DCC: variants seen among roughly 807,000 people sequenced by gnomAD.
DCC encodes the protein netrin receptor DCC.
In DCC, 58 loss-of-function variants were observed where a neutral mutation model predicts 172.5. That is an observed-to-expected ratio of 0.34 (90% confidence interval 0.27 to 0.42). The LOEUF is 0.42. Ranked by LOEUF, DCC falls within the 10% of genes least tolerant of loss-of-function variation. The pLI is 1.00. For missense variants in DCC, 1,740 were observed against 1,791.0 expected, an observed-to-expected ratio of 0.97 and a Z score of 0.51; for synonymous variants, 709 against 644.5, an observed-to-expected ratio of 1.10 and a Z score of -1.52.
chr18:52,823,797 G>A (rs1450607176), intron 2 of DCC, among the ~76,000 whole-genome samples: 2 of 152,096 alleles, frequency 1.3e-5, no homozygotes, highest in Non-Finnish European at 2.9e-5. Context: ...ATCTTCAGGG[G>A]GTGTCCTGTA....
chr18:53,430,287 A>G (rs1308505953), intron 21 of DCC, among the ~76,000 whole-genome samples: 1 of 152,110 alleles, frequency 6.6e-6, no homozygotes. Flanking sequence ...TAGATTATGG[A>G]CAATACGTTT....
chr18:52,719,653 C>T lies in DCC; in HGVS notation c.92-32401C>T, dbSNP rs78279194. 7.7e-3 allele frequency among the ~76,000 whole-genome samples: 1,161 copies of T among 151,466 alleles called. 11 individuals carry two copies. Among genetic ancestry groups the T allele is most frequent in the Middle Eastern group, 0.024 (7 of 286 alleles). ...CTGCAAATTATTGAAAAATACAGTG[C>T]GGCATATCATTAGAGAGAATTATAT... On this transcript the variant is annotated intron_variant, in intron 1 of 28. Coordinates refer to ENST00000442544, the MANE Select transcript of DCC (RefSeq NM_005215.4).
rs180781503 is a variant in DCC, at chr18:53,248,865, T to C, written c.1911+33268T>C. Among the ~76,000 whole-genome samples, 840 of 152,158 alleles carry C rather than the reference T, an allele frequency of 5.5e-3. 5 individuals carry two copies. The highest frequency in any genetic ancestry group is 0.023 in the Admixed American group (348 of 15,256). On this transcript the variant is annotated intron_variant, in intron 12 of 28. Transcript: ENST00000442544. Reference sequence around the variant, plus strand: ...ACATAAACACAAAAATTGTTTTAAATGCAAATATCTAAATAATTCAATTAC... The same window carrying C: ...ACATAAACACAAAAATTGTTTTAAACGCAAATATCTAAATAATTCAATTAC...
intron 8 of DCC, among the ~76,000 whole-genome samples, chr18:53,167,763 A>T (rs921975557): frequency 6.6e-6 from 1 of 152,204 alleles, no homozygotes; most frequent in Non-Finnish European, 1.5e-5. Flanking sequence ...ATACAAAGTG[A>T]TACATAATAC....
At chr18:53,157,191 C>A (rs549424985) in intron 7 of DCC, among the ~76,000 whole-genome samples, 165 bp from the exon 8 acceptor site, 28 of 152,252 alleles carry the variant, frequency 1.8e-4, no homozygotes, top group African/African-American at 6.3e-4. Context: ...TACAAATATA[C>A]CTTTTATTCC....
At chr18:52,856,530 G>A (rs1288795197) in intron 2 of DCC, among the ~76,000 whole-genome samples, 4 of 150,742 alleles carry the variant, frequency 2.7e-5, no homozygotes, top group African/African-American at 4.9e-5. Flanking sequence ...GGAAGCTGAG[G>A]CTGGAGGATG....
At chr18:52,787,415 G>C (rs2037680496) in intron 2 of DCC, among the ~76,000 whole-genome samples, 1 of 151,460 alleles carries the variant, frequency 6.6e-6, no homozygotes, top group Admixed American at 6.6e-5. Context: ...TTCCAGGGTA[G>C]TTAGTTAAAA....
intron 5 of DCC, among the ~76,000 whole-genome samples, chr18:52,938,459 C>G (rs538471503): frequency 3.6e-4 from 55 of 152,114 alleles, no homozygotes; most frequent in Non-Finnish European, 5.3e-4. Context: ...GAAATATACA[C>G]TATTATTATT....
chr18:52,415,260 C>A (rs1986980391), intron 1 of DCC, among the ~76,000 whole-genome samples: 1 of 152,080 alleles, frequency 6.6e-6, no homozygotes, highest in African/African-American at 2.4e-5. Flanking sequence ...CTTGCTGTTA[C>A]CAATTATAAT....
chr18:52,445,187 A>G (rs1288056065), intron 1 of DCC, among the ~76,000 whole-genome samples: 1 of 152,180 alleles, frequency 6.6e-6, no homozygotes, highest in Non-Finnish European at 1.5e-5. Flanking sequence ...TCCTTTCAAG[A>G]GAATTTATGG....
intron 1 of DCC, among the ~76,000 whole-genome samples, chr18:52,699,541 T>C (rs2036072451): frequency 6.6e-6 from 1 of 152,192 alleles, no homozygotes; most frequent in Non-Finnish European, 1.5e-5. Context: ...TTCATGAATA[T>C]GTTAATCAGA....
intron 11 of DCC, among the ~76,000 whole-genome samples, chr18:53,214,778 G>T (rs573422988): frequency 6.6e-6 from 1 of 152,248 alleles, no homozygotes; most frequent in South Asian, 2.1e-4. Context: ...CATTCAATAA[G>T]TGGTTGTTTT....
At chr18:52,846,671 G>A (rs984503753) in intron 2 of DCC, among the ~76,000 whole-genome samples, 39 of 148,294 alleles carry the variant, frequency 2.6e-4, no homozygotes, top group African/African-American at 9.2e-4. Flanking sequence ...ACTTGTCTTG[G>A]TGTCTCTCGC....
At chr18:53,119,343 A>C (rs1049770622) in intron 7 of DCC, among the ~76,000 whole-genome samples, 1 of 151,694 alleles carries the variant, frequency 6.6e-6, no homozygotes, top group Non-Finnish European at 1.5e-5. Flanking sequence ...TGCCCTGAAA[A>C]TATCATTTTT....
At chr18:52,889,565 G>A (rs1418163286) in intron 2 of DCC, among the ~76,000 whole-genome samples, 1 of 152,088 alleles carries the variant, frequency 6.6e-6, no homozygotes, top group Non-Finnish European at 1.5e-5. Context: ...GAGAAGTGGG[G>A]TAGAAAATTT....
chr18:52,798,312 TA>T (rs2037917508), intron 2 of DCC, among the ~76,000 whole-genome samples: 1 of 152,224 alleles, frequency 6.6e-6, no homozygotes, highest in Non-Finnish European at 1.5e-5. Flanking sequence ...TACTGAGTGG[TA>T]GAAGTAGCAG....
intron 26 of DCC, among the ~76,000 whole-genome samples, chr18:53,496,900 T>G (rs1458592532): frequency 6.7e-6 from 1 of 150,286 alleles, no homozygotes; most frequent in East Asian, 2.0e-4. Context: ...ATTTCAAAAA[T>G]GCAGAAAAAG....
chr18:53,106,639 C>T (rs142018567), intron 7 of DCC, among the ~76,000 whole-genome samples: 1 of 151,788 alleles, frequency 6.6e-6, no homozygotes, highest in African/African-American at 2.4e-5. Context: ...GATCTAGACC[C>T]CAAGAGAGGG....
chr18:52,519,343 C>A (rs2031737673), intron 1 of DCC, among the ~76,000 whole-genome samples: 3 of 152,114 alleles, frequency 2.0e-5, no homozygotes, highest in Admixed American at 2.0e-4. Flanking sequence ...ATCTGCAGTG[C>A]AGTGGGGACT....
Sources: allele counts gnomAD v4.1 joint callset (sites outside exome capture counted in the v4.1 genomes callset), GRCh38; gene constraint gnomAD v4.1.1; transcripts MANE v1.5; gene names NCBI Gene and HGNC (gene_info 2026-07-23, HGNC 2026-07-21).